CELF2: variants seen among roughly 807,000 people sequenced by gnomAD.
CELF2 encodes CUGBP Elav-like family member 2.
Under a neutral mutation model 62.6 loss-of-function variants are expected in CELF2, and 8 were observed. The ratio of observed to expected loss-of-function variants is 0.13; its 90% CI spans 0.07 to 0.23. The LOEUF (loss-of-function observed/expected upper bound fraction) is 0.23, where lower values mean the gene tolerates loss of function less well. Among genes scored for constraint, CELF2 ranks in the 10% least tolerant of loss-of-function variants. The pLI is 1.00. For missense variants in CELF2, 333 were observed against 671.0 expected, an observed-to-expected ratio of 0.50 and a Z score of 5.56; for synonymous variants, 258 against 250.0, an observed-to-expected ratio of 1.03 and a Z score of -0.30.
At chr10:10,525,108 C>T in the CELF2 span, among the ~76,000 whole-genome samples, 1 of 152,176 alleles carries the variant, frequency 6.6e-6, no homozygotes, top group Admixed American at 6.5e-5. Flanking sequence ...TTGGCATCAC[C>T]TCACAACGGG....
the CELF2 span, among the ~76,000 whole-genome samples, chr10:10,788,176 C>A: frequency 6.6e-6 from 1 of 152,012 alleles, no homozygotes; most frequent in Non-Finnish European, 1.5e-5. Context: ...AATGTTTGTA[C>A]AAATAACAAC....
the CELF2 span, among the ~76,000 whole-genome samples, chr10:10,646,226 A>G: frequency 6.6e-6 from 1 of 152,240 alleles, no homozygotes; most frequent in Non-Finnish European, 1.5e-5. Context: ...TGGGGACAGA[A>G]AGGAAGGTAG....
At chr10:11,206,611 A>G (rs2060489531) in intron 2 of CELF2, among the ~76,000 whole-genome samples, 1 of 152,126 alleles carries the variant, frequency 6.6e-6, no homozygotes, top group African/African-American at 2.4e-5. Context: ...CCCCAGGGAG[A>G]CCAGCTGGCC....
intron 1 of CELF2, among the ~76,000 whole-genome samples, chr10:11,161,399 G>A (rs985997200): frequency 6.6e-6 from 1 of 152,236 alleles, no homozygotes; most frequent in African/African-American, 2.4e-5. Context: ...GGGCCTGCGA[G>A]TGGTCACCGA....
At chr10:11,152,278 T>A (rs1042491923) in intron 1 of CELF2, among the ~76,000 whole-genome samples, 1 of 152,192 alleles carries the variant, frequency 6.6e-6, no homozygotes, top group African/African-American at 2.4e-5. Flanking sequence ...GACACCTCAT[T>A]CAAGACCTTG....
intron 1 of CELF2, among the ~76,000 whole-genome samples, chr10:11,101,335 G>T (rs561626613): frequency 2.0e-5 from 3 of 152,204 alleles, no homozygotes; most frequent in Non-Finnish European, 4.4e-5. Context: ...CATAAGAAAG[G>T]TCTTGGTTGA....
chr10:11,288,567 T>C lies in CELF2; in HGVS notation c.976+15T>C. On this transcript the variant is annotated intron_variant, in intron 9 of 12. Coordinates refer to ENST00000633077, the MANE Select transcript of CELF2 (RefSeq NM_001326342.2). ...CACGAGTCCCGGTGAGTGTGGGGGG[T>C]GCTCTTCCCTTGCAGGTGATGCAGC... 2 of 1,612,314 alleles carry C rather than the reference T, an allele frequency of 1.2e-6. No homozygotes were observed. The highest frequency in any genetic ancestry group is 1.7e-6 in the Non-Finnish European group (2 of 1,179,526).
the CELF2 span, among the ~76,000 whole-genome samples, chr10:10,719,959 A>C: frequency 1.3e-5 from 2 of 152,216 alleles, no homozygotes; most frequent in Admixed American, 1.3e-4. Flanking sequence ...GGTGGGTAAT[A>C]ATATTTTGTT....
chr10:10,837,090 CA>C (rs1475577168), intron 1 of CELF2, among the ~76,000 whole-genome samples: 2 of 152,194 alleles, frequency 1.3e-5, no homozygotes, highest in Non-Finnish European at 2.9e-5. Flanking sequence ...CGTTGTCATT[CA>C]TGACTGCTGA....
chr10:10,848,760 A>T (rs137920182), intron 1 of CELF2, among the ~76,000 whole-genome samples: 2,152 of 152,250 alleles, frequency 0.014, 32 homozygotes, highest in Middle Eastern at 0.054. Context: ...TGCTGCCTCT[A>T]ACCATGAAAT....
the CELF2 span, among the ~76,000 whole-genome samples, chr10:10,523,730 CAG>C: frequency 6.6e-6 from 1 of 152,198 alleles, no homozygotes; most frequent in African/African-American, 2.4e-5. Context: ...ACAATAAAAA[CAG>C]AGCATGGCTC....
At chr10:10,738,968 G>T in the CELF2 span, among the ~76,000 whole-genome samples, 1 of 152,110 alleles carries the variant, frequency 6.6e-6, no homozygotes, top group Admixed American at 6.6e-5. Context: ...TGGGCATGGG[G>T]TATATGGGAA....
intron 1 of CELF2, among the ~76,000 whole-genome samples, chr10:11,139,495 G>A (rs1307277538): frequency 1.3e-5 from 2 of 152,126 alleles, no homozygotes; most frequent in African/African-American, 4.8e-5. Context: ...ATGGTATTAT[G>A]TGCTAAATAA....
chr10:10,692,094 C>T, the CELF2 span, among the ~76,000 whole-genome samples: 4 of 150,276 alleles, frequency 2.7e-5, no homozygotes, highest in Non-Finnish European at 4.4e-5. Context: ...ATGCTTATGT[C>T]CTGAATGGTA....
At chr10:10,646,883 G>A in the CELF2 span, among the ~76,000 whole-genome samples, 6 of 152,200 alleles carry the variant, frequency 3.9e-5, no homozygotes, top group Non-Finnish European at 8.8e-5. Context: ...GGGTGAAACA[G>A]TTTGCCCCAC....
chr10:10,823,369 A>G (rs1219768519), intron 1 of CELF2, among the ~76,000 whole-genome samples: 1 of 152,188 alleles, frequency 6.6e-6, no homozygotes, highest in Admixed American at 6.5e-5. Flanking sequence ...GGATGAGCTG[A>G]GAGTAAAGAT....
the CELF2 span, among the ~76,000 whole-genome samples, chr10:10,590,597 G>A: frequency 6.6e-6 from 1 of 152,126 alleles, no homozygotes. Flanking sequence ...GGTACCCAGT[G>A]TCTCTGTGTT....
intron 1 of CELF2, among the ~76,000 whole-genome samples, chr10:11,036,765 C>A (rs761990107): frequency 1.3e-5 from 2 of 152,126 alleles, no homozygotes; most frequent in African/African-American, 2.4e-5. Flanking sequence ...GCCTCATGGG[C>A]GGCTGAGGGA....
intron 9 of CELF2, among the ~76,000 whole-genome samples, chr10:11,312,928 T>G (rs914227171): frequency 2.0e-5 from 3 of 152,174 alleles, no homozygotes; most frequent in African/African-American, 7.2e-5. Context: ...AGCGAGCCTC[T>G]GTCTCAAAGG....
Sources: allele counts gnomAD v4.1 joint callset (sites outside exome capture counted in the v4.1 genomes callset), GRCh38; gene constraint gnomAD v4.1.1; transcripts MANE v1.5; gene names NCBI Gene and HGNC (gene_info 2026-07-23, HGNC 2026-07-21).